UPF1: variants seen among roughly 807,000 people sequenced by gnomAD.
UPF1 encodes the protein UPF1 RNA helicase and ATPase, also known as regulator of nonsense transcripts 1.
UPF1 carries 9 observed loss-of-function variants against 129.2 expected under a neutral mutation model. The ratio of observed to expected loss-of-function variants is 0.07; its 90% confidence interval spans 0.04 to 0.12. The LOEUF is 0.12. Among genes scored for constraint, UPF1 ranks in the 10% least tolerant of loss-of-function variants. The pLI is 1.00. For missense variants in UPF1, 788 were observed against 1,525.3 expected (o/e 0.52, Z 8.05); for synonymous variants, 649 against 644.9 (o/e 1.01, Z -0.10).
chr19:18,851,575 C>T lies in UPF1; in HGVS notation c.811-560C>T, dbSNP rs142181729. ...GATTCCCGTTTATATCTGAACAGCC[C>T]AGAAAATGTCCTGTCCCCACCAGCA... On this transcript the variant is annotated intron_variant, in intron 5 of 23. Coordinates refer to ENST00000262803, the MANE Select transcript of UPF1 (RefSeq NM_002911.4). This position sits in a 1 kb window ranked among gnomAD's most constrained non-coding sequence, Gnocchi z 4.2. Among the ~76,000 whole-genome samples, 6 of 152,312 alleles carry T rather than the reference C, an allele frequency of 3.9e-5. No homozygotes were observed. Among genetic ancestry groups the T allele is most frequent in the South Asian group, 2.1e-4 (1 of 4,828 alleles).
chr19:18,838,364 C>T (rs1181544607), intron 1 of UPF1, among the ~76,000 whole-genome samples: 1 of 151,840 alleles, frequency 6.6e-6, no homozygotes, highest in Non-Finnish European at 1.5e-5. Context: ...AGAAGAAAAT[C>T]CAGGCCGGGC....
chr19:18,838,118 A>G (rs79317400), intron 1 of UPF1, among the ~76,000 whole-genome samples: 1 of 152,198 alleles, frequency 6.6e-6, no homozygotes, highest in Non-Finnish European at 1.5e-5. Flanking sequence ...GAGCCCTGAG[A>G]TTATGACCAA....
intron 1 of UPF1, among the ~76,000 whole-genome samples, chr19:18,838,790 C>G (rs1202395813): frequency 6.6e-6 from 1 of 152,168 alleles, no homozygotes; most frequent in Admixed American, 6.5e-5. Flanking sequence ...AGCACTTACC[C>G]CTTAGTAGAC....
chr19:18,864,333 T>C, intron 20 of UPF1, 82 bp downstream of exon 20: 17 of 1,313,104 alleles, frequency 1.3e-5, no homozygotes, highest in Non-Finnish European at 1.7e-5. Context: ...CAGCTTTAGG[T>C]GCCCCCATCT....
At position 18,865,300 on chromosome 19, in the gene UPF1, A is replaced by T; in HGVS notation, c.2869A>T (p.Ser957Cys). 6.2e-7 allele frequency: 1 copy of T among 1,604,576 alleles called. No homozygotes were observed. The highest frequency in any genetic ancestry group is 8.5e-7 in the Non-Finnish European group (1 of 1,172,348). ...ACTGTGATTTGCAGGCCGGCCTTCCAGCATGTACTTCCAGACCCATGACCA... is the reference window on the plus strand; with the variant it reads ...ACTGTGATTTGCAGGCCGGCCTTCCTGCATGTACTTCCAGACCCATGACCA... ...YDRSSQGRPS[S>C]MYFQTHDQIG... is the part of the protein sequence containing the mutation. The change falls in exon 21 of 24, where the codon AGC (serine) becomes TGC (cysteine). Residue 957 changes from serine to cysteine, a missense_variant. By Grantham distance (112) the Ser-to-Cys change is moderately radical. Coordinates refer to ENST00000262803, the MANE Select transcript of UPF1 (RefSeq NM_002911.4). The surrounding 1 kb of genome is among the most constrained non-coding windows in gnomAD (Gnocchi z 6.1).
chr19:18,866,477 G>C, intron 23 of UPF1, 44 bp from the exon 24 acceptor site: 1 of 311,040 alleles, frequency 3.2e-6, no homozygotes, highest in South Asian at 7.3e-5. Context: ...GTGGGGCTCA[G>C]GTCGCAGCCT....
chr19:18,838,422 G>A (rs908663134), intron 1 of UPF1, among the ~76,000 whole-genome samples: 1 of 152,246 alleles, frequency 6.6e-6, no homozygotes, highest in Non-Finnish European at 1.5e-5. Flanking sequence ...GCAGAGGCAG[G>A]TGAATCACCG....
chr19:18,842,684 T>C (rs1018820104), intron 1 of UPF1, among the ~76,000 whole-genome samples: 5 of 151,894 alleles, frequency 3.3e-5, no homozygotes, highest in Admixed American at 2.6e-4. Flanking sequence ...TTTTTTCCTT[T>C]ACAATTTTTT....
intron 20 of UPF1, among the ~76,000 whole-genome samples, chr19:18,864,642 T>C (rs1165821127): frequency 1.3e-5 from 2 of 151,526 alleles, no homozygotes; most frequent in African/African-American, 2.4e-5. Flanking sequence ...CAGGCTGGTC[T>C]CAAACTCCTG....
At chr19:18,842,988 A>C (rs991808688) in intron 1 of UPF1, among the ~76,000 whole-genome samples, 1 of 145,266 alleles carries the variant, frequency 6.9e-6, no homozygotes, top group Non-Finnish European at 1.5e-5. Flanking sequence ...ACTCCGTCTC[A>C]AAAAAAAAAA....
At chr19:18,860,731 C>G in intron 16 of UPF1, 95 bp from the exon 17 acceptor site, 1 of 1,520,066 alleles carries the variant, frequency 6.6e-7, no homozygotes. Flanking sequence ...AGCTGCCTTC[C>G]CGCAGGGTGT....
At chr19:18,848,702 C>T (rs941628195) in intron 3 of UPF1, among the ~76,000 whole-genome samples, 2 of 151,980 alleles carry the variant, frequency 1.3e-5, no homozygotes, top group African/African-American at 4.8e-5. Flanking sequence ...GATCTCGTGG[C>T]ATCTCTGAGT....
rs1442755759 is a variant in UPF1, at chr19:18,832,540, C to T, written c.231+100C>T. On this transcript the variant is annotated intron_variant, in intron 1 of 23. Coordinates refer to ENST00000262803, the MANE Select transcript of UPF1 (RefSeq NM_002911.4). The surrounding 1 kb of genome is among the most constrained non-coding windows in gnomAD (Gnocchi z 5.6). Reference sequence around the variant, plus strand: ...GCCCGGCCTGTGTTTGGCCGGAGTCCCCCATCGCGGCCGGGCCTGGGGCGA... The same window carrying T: ...GCCCGGCCTGTGTTTGGCCGGAGTCTCCCATCGCGGCCGGGCCTGGGGCGA... 1 of 891,396 alleles carries T rather than the reference C, an allele frequency of 1.1e-6. No homozygotes were observed. The highest frequency in any genetic ancestry group is 1.3e-6 in the Non-Finnish European group (1 of 743,798). 55.2% of individuals were successfully genotyped at this position (891,396 alleles called of 1,614,324 possible).
chr19:18,859,258 C>T (rs2055751366), intron 15 of UPF1: 1 of 152,244 alleles, frequency 6.6e-6, no homozygotes, highest in Non-Finnish European at 1.5e-5. Context: ...CGCTGGTGCA[C>T]ACTGCTCTCT....
chr19:18,863,115 G>T, intron 18 of UPF1: 1 of 268,722 alleles, frequency 3.7e-6, no homozygotes, highest in East Asian at 7.4e-5. Context: ...GGCCTGCTGG[G>T]GGCCCTGTGG....
chr19:18,861,034 G>T, intron 17 of UPF1, 52 bp downstream of exon 17: 2 of 1,512,508 alleles, frequency 1.3e-6, no homozygotes, highest in South Asian at 1.2e-5. Flanking sequence ...CAAGGGTATT[G>T]ACCCTTGACC....
At chr19:18,840,267 C>A (rs2055527712) in intron 1 of UPF1, among the ~76,000 whole-genome samples, 1 of 152,116 alleles carries the variant, frequency 6.6e-6, no homozygotes. Context: ...AGTGTGTGTG[C>A]CTGTGGGAAC....
In UPF1 at chr19:18,832,162, G is replaced by T; in HGVS notation, c.-48G>T. On this transcript the variant is annotated 5_prime_UTR_variant, in exon 1 of 24. Coordinates refer to ENST00000262803, the MANE Select transcript of UPF1 (RefSeq NM_002911.4). The surrounding 1 kb of genome is among the most constrained non-coding windows in gnomAD (Gnocchi z 5.6). The stretch of plus-strand genomic sequence containing the variant: ...GGCCTAGGCCTCAGCGCGGCGGCGG[G>T]CTCGAGTGCAGCGCGGAACCGGCCC... 1.2e-5 allele frequency: 18 copies of T among 1,481,932 alleles called. No homozygotes were observed. Among genetic ancestry groups the T allele is most frequent in the Non-Finnish European group, 1.6e-5 (18 of 1,109,474 alleles). The allele number at this position is 1,481,932 out of a possible 1,614,324, so 91.8% of individuals were successfully genotyped here. A position where few individuals can be genotyped will look rare whatever the true frequency, so the allele number is the denominator to read the frequency against.
Position 18,856,867 on chromosome 19 carries a change from C to A in UPF1, c.1825-10C>A. On this transcript the variant is annotated splice_polypyrimidine_tract_variant and intron_variant, in intron 13 of 23. Coordinates refer to ENST00000262803, the MANE Select transcript of UPF1 (RefSeq NM_002911.4). ...TGCAGGTGCCCTGATGCCTCTGCAC[C>A]CTTCCCCAGAACGCAGATGTCATCT... 7.5e-6 allele frequency: 12 copies of A among 1,608,944 alleles called. No homozygotes were observed. The highest frequency in any genetic ancestry group is 1.0e-5 in the Non-Finnish European group (12 of 1,178,188).
Sources: allele counts gnomAD v4.1 joint callset (sites outside exome capture counted in the v4.1 genomes callset), GRCh38; gene constraint gnomAD v4.1.1; non-coding constraint Gnocchi (gnomAD v3.1); transcripts MANE v1.5; gene names NCBI Gene and HGNC (gene_info 2026-07-23, HGNC 2026-07-21).